The following PPARD variants were observed in gnomAD, a reference collection of about 807,000 sequenced individuals.
PPARD encodes peroxisome proliferator activated receptor delta.
PPARD carries 6 observed loss-of-function variants against 39.5 expected under a neutral mutation model. The ratio of observed to expected loss-of-function variants is 0.15; its 90% confidence interval spans 0.08 to 0.30. The LOEUF is 0.30. Among genes scored for constraint, PPARD ranks in the 10% least tolerant of loss-of-function variants. The pLI is 1.00. For synonymous variants in PPARD, 210 were observed against 231.3 expected (o/e 0.91, Z 0.83); for missense variants, 397 against 596.8 (o/e 0.67, Z 3.49).
intron 1 of PPARD, among the ~76,000 whole-genome samples, chr6:35,343,215 C>T (rs1791962469): frequency 6.6e-6 from 1 of 152,122 alleles, no homozygotes; most frequent in South Asian, 2.1e-4. Context: ...TTTACTCTCT[C>T]TCCCCATCCC....
chr6:35,386,051 G>A (rs1389002993), intron 2 of PPARD, among the ~76,000 whole-genome samples: 10 of 152,184 alleles, frequency 6.6e-5, no homozygotes, highest in African/African-American at 1.9e-4. Context: ...TCCTGTCCTC[G>A]GGAGGAAGTG....
chr6:35,411,476 C>T (rs906785567), intron 3 of PPARD, among the ~76,000 whole-genome samples: 1 of 152,158 alleles, frequency 6.6e-6, no homozygotes, highest in Non-Finnish European at 1.5e-5. Context: ...TATGGGCTTT[C>T]GTGAGAATTA....
chr6:35,407,677 TAAATAAATA>T (rs952743158), intron 2 of PPARD, among the ~76,000 whole-genome samples: 6 of 147,468 alleles, frequency 4.1e-5, no homozygotes, highest in African/African-American at 1.5e-4. Flanking sequence ...ATAAAATAAA[TAAATAAATA>T]AAATAAAATA....
At chr6:35,402,541 G>A (rs572442144) in intron 2 of PPARD, among the ~76,000 whole-genome samples, 39 of 152,312 alleles carry the variant, frequency 2.6e-4, no homozygotes, top group South Asian at 2.1e-3. Flanking sequence ...CCTGGAGGCT[G>A]TTCCTAGGGG....
chr6:35,421,188 C>T (rs568272005), intron 4 of PPARD, among the ~76,000 whole-genome samples: 1 of 151,962 alleles, frequency 6.6e-6, no homozygotes, highest in African/African-American at 2.4e-5. Flanking sequence ...GTCTTGAACT[C>T]CTGACCTCAG....
At position 35,391,581 on chromosome 6, in the gene PPARD, AGT is replaced by A. The variant is rs1764005435; in HGVS notation, c.-101-19404_-101-19403del. Among the ~76,000 whole-genome samples the A allele has an allele frequency of 3.3e-5, 5 of 152,372 alleles. No homozygotes were observed. The South Asian group carries it at 1.0e-3, about 32-fold the overall frequency. On this transcript the variant is annotated intron_variant, in intron 2 of 7. Coordinates refer to ENST00000360694, the MANE Select transcript of PPARD (RefSeq NM_006238.5). Reference sequence around the variant, plus strand: ...GTGAAGGCTACTTTTGTATTAAGGCAGTGAACTTCGAAAGGAACTTTTCCCTG... The same window carrying A: ...GTGAAGGCTACTTTTGTATTAAGGCAGAACTTCGAAAGGAACTTTTCCCTG...
At chr6:35,395,248 A>T (rs888120096) in intron 2 of PPARD, among the ~76,000 whole-genome samples, 1 of 152,186 alleles carries the variant, frequency 6.6e-6, no homozygotes, top group African/African-American at 2.4e-5. Context: ...GAGACAAGGG[A>T]TTGTTTGCGC....
chr6:35,344,038 G>T (rs1562161111), intron 1 of PPARD, among the ~76,000 whole-genome samples: 1 of 152,122 alleles, frequency 6.6e-6, no homozygotes, highest in Non-Finnish European at 1.5e-5. Context: ...TAGCCCTGGG[G>T]CTGGCGGGCA....
chr6:35,370,253 G>A (rs1338186305), intron 2 of PPARD, among the ~76,000 whole-genome samples: 2 of 152,156 alleles, frequency 1.3e-5, no homozygotes, highest in Non-Finnish European at 2.9e-5. Flanking sequence ...CTAGCTGCCC[G>A]GGTCCTCATT....
intron 2 of PPARD, among the ~76,000 whole-genome samples, chr6:35,383,480 C>T (rs1356787842): frequency 1.3e-5 from 2 of 151,690 alleles, no homozygotes; most frequent in African/African-American, 2.4e-5. Flanking sequence ...AGCGTCTCTG[C>T]TTGGCCACCC....
intron 2 of PPARD, among the ~76,000 whole-genome samples, chr6:35,402,478 C>G (rs577537982): frequency 6.6e-6 from 1 of 152,316 alleles, no homozygotes; most frequent in Non-Finnish European, 1.5e-5. Context: ...TTTCCTATCC[C>G]TGGTGAAGAG....
chr6:35,361,937 T>C (rs1438259333), intron 2 of PPARD, among the ~76,000 whole-genome samples: 2 of 152,202 alleles, frequency 1.3e-5, no homozygotes, highest in Non-Finnish European at 2.9e-5. Context: ...ATTTGGGAGC[T>C]TTGAAATTAA....
At chr6:35,347,765 C>A (rs1486858982) in intron 2 of PPARD, among the ~76,000 whole-genome samples, 1 of 152,008 alleles carries the variant, frequency 6.6e-6, no homozygotes, top group East Asian at 1.9e-4. Flanking sequence ...CCTGCCACCA[C>A]GCCCGGCTAA....
intron 2 of PPARD, among the ~76,000 whole-genome samples, chr6:35,408,608 C>T (rs1341247578): frequency 6.6e-6 from 1 of 152,192 alleles, no homozygotes; most frequent in Non-Finnish European, 1.5e-5. Flanking sequence ...AGTAAAGAGC[C>T]TGCAGGGGAG....
rs145100009 is a variant in PPARD at position 35,381,551 on chromosome 6, C to T, written c.-101-29436C>T. On this transcript the variant is annotated intron_variant, in intron 2 of 7. Coordinates refer to ENST00000360694, the MANE Select transcript of PPARD (RefSeq NM_006238.5). Reference sequence around the variant, plus strand: ...GTTGTATCATGGTCTAAGATGGCTGCGGGAGCCCCAACCATCATGTCAGGT... The same window carrying T: ...GTTGTATCATGGTCTAAGATGGCTGTGGGAGCCCCAACCATCATGTCAGGT... 9.9e-3 allele frequency among the ~76,000 whole-genome samples: 1,510 copies of T among 152,180 alleles called. 27 individuals are homozygous for T. The highest frequency in any genetic ancestry group is 0.033 in the African/African-American group (1,388 of 41,514).
At chr6:35,357,814 G>A (rs546632742) in intron 2 of PPARD, among the ~76,000 whole-genome samples, 1 of 152,266 alleles carries the variant, frequency 6.6e-6, no homozygotes, top group African/African-American at 2.4e-5. Flanking sequence ...TAGTATTACA[G>A]TCATGAGCCA....
At chr6:35,421,254 T>C (rs2395623) in intron 4 of PPARD, among the ~76,000 whole-genome samples, 100,344 of 151,120 alleles carry the variant, frequency 0.66, 35,763 homozygotes, top group South Asian at 0.79. Context: ...TGAGCCACTG[T>C]GTCCAGCCCC....
intron 2 of PPARD, among the ~76,000 whole-genome samples, chr6:35,378,642 A>C (rs918178797): frequency 1.3e-5 from 2 of 152,160 alleles, no homozygotes; most frequent in Non-Finnish European, 2.9e-5. Context: ...ATTTTAGAAT[A>C]AGGCTGCACT....
At chr6:35,393,666 G>A (rs535541920) in intron 2 of PPARD, among the ~76,000 whole-genome samples, 1 of 152,252 alleles carries the variant, frequency 6.6e-6, no homozygotes, top group South Asian at 2.1e-4. Context: ...TGACAGCATG[G>A]GCCAATTTTC....
Sources: gnomAD v4.1 joint callset for allele counts (sites outside exome capture counted in the v4.1 genomes callset) on GRCh38, gnomAD v4.1.1 for gene constraint, MANE v1.5 for transcripts, NCBI Gene and HGNC (gene_info 2026-07-23, HGNC 2026-07-21) for gene names.